Variants in RAPH1 observed in about 807,000 individuals in gnomAD.
RAPH1 encodes the protein ras-associated and pleckstrin homology domains-containing protein 1.
In RAPH1, 18 loss-of-function variants were observed where a neutral mutation model predicts 88.1. That is an observed-to-expected ratio of 0.20 (90% CI 0.14 to 0.30). The LOEUF is 0.30. Ranked by LOEUF, RAPH1 falls within the 10% of genes least tolerant of loss-of-function variation. RAPH1 has a pLI of 1.00. For synonymous variants in RAPH1, 587 were observed against 559.0 expected (o/e 1.05, Z -0.71); for missense variants, 1,448 against 1,543.2 (o/e 0.94, Z 1.03).
intron 4 of RAPH1, among the ~76,000 whole-genome samples, chr2:203,481,594 T>TATATAC (rs1168528105): frequency 7.6e-6 from 1 of 131,916 alleles, no homozygotes; most frequent in East Asian, 2.1e-4. Context: ...TATATATATA[T>TATATAC]ACACATTTTT....
intron 1 of RAPH1, among the ~76,000 whole-genome samples, chr2:203,506,900 T>TATATA (rs1559495239): frequency 6.5e-5 from 6 of 91,604 alleles, no homozygotes; most frequent in South Asian, 3.1e-4. Context: ...ATATATATAT[T>TATATA]TTTTTTTTTT....
intron 1 of RAPH1, among the ~76,000 whole-genome samples, chr2:203,533,180 C>T (rs1397183932): frequency 3.3e-5 from 5 of 152,188 alleles, no homozygotes; most frequent in Non-Finnish European, 7.3e-5. Context: ...CAGTCACATA[C>T]TCTATAATCT....
At chr2:203,521,387 ATT>A (rs1338083471) in intron 1 of RAPH1, among the ~76,000 whole-genome samples, 1 of 152,158 alleles carries the variant, frequency 6.6e-6, no homozygotes. Flanking sequence ...ATAAATATAT[ATT>A]GTTTATATAA....
At chr2:203,526,869 T>TCC (rs1431189642) in intron 1 of RAPH1, among the ~76,000 whole-genome samples, 1 of 151,180 alleles carries the variant, frequency 6.6e-6, no homozygotes, top group East Asian at 2.0e-4. Flanking sequence ...CTGCAACCTC[T>TCC]CCCTCCCAGG....
In RAPH1 at chr2:203,474,403, C is replaced by T. The variant is rs1172589655; in HGVS notation, c.733-12478G>A. ...TGTTAAATGTCCTTACACGGAGAGTCGCAGAGATGGGAAATCTTGCTTATA... is the reference window on the plus strand; with the variant it reads ...TGTTAAATGTCCTTACACGGAGAGTTGCAGAGATGGGAAATCTTGCTTATA... On this transcript the variant is annotated intron_variant, in intron 4 of 13. Coordinates refer to ENST00000319170, the MANE Select transcript of RAPH1 (RefSeq NM_213589.3). Among the ~76,000 whole-genome samples, 3 of 152,226 alleles carry T rather than the reference C, an allele frequency of 2.0e-5. No homozygotes were observed. The East Asian group carries it at 5.8e-4, about 29-fold the overall frequency.
At chr2:203,511,557 A>C (rs1295577881) in intron 1 of RAPH1, among the ~76,000 whole-genome samples, 3 of 152,188 alleles carry the variant, frequency 2.0e-5, no homozygotes, top group Non-Finnish European at 4.4e-5. Context: ...CCCAACTCAA[A>C]CTAGTTTTAA....
rs185436372 is a variant in RAPH1, at chr2:203,452,555, G to C, written c.1413+1875C>G. Among the ~76,000 whole-genome samples, 210 of 152,256 alleles carry C rather than the reference G, an allele frequency of 1.4e-3. 1 individual carries two copies. Among genetic ancestry groups the C allele is most frequent in the African/African-American group, 4.0e-3 (166 of 41,554 alleles). On this transcript the variant is annotated intron_variant, in intron 10 of 13. Transcript: ENST00000319170. ...TGCTTTTCTCCTGTTGATCTCTTAT[G>C]TCAATTTAATTTGTGTGCCCAGCTA...
intron 6 of RAPH1, among the ~76,000 whole-genome samples, chr2:203,460,441 TA>T (rs1427564091): frequency 6.6e-6 from 1 of 152,208 alleles, no homozygotes; most frequent in African/African-American, 2.4e-5. Flanking sequence ...TGTTTAATCT[TA>T]AACATATATG....
intron 1 of RAPH1, among the ~76,000 whole-genome samples, chr2:203,503,157 C>CA (rs1329646991): frequency 3.3e-5 from 5 of 152,078 alleles, no homozygotes; most frequent in South Asian, 2.1e-4. Context: ...AACAAACAAA[C>CA]AAACAAACAA....
At chr2:203,514,730 A>G (rs1272406420) in intron 1 of RAPH1, among the ~76,000 whole-genome samples, 1 of 151,730 alleles carries the variant, frequency 6.6e-6, no homozygotes, top group Non-Finnish European at 1.5e-5. Flanking sequence ...AATTTTTTGT[A>G]TTTTTAGTAG....
chr2:203,482,811 C>A (rs946985775), intron 4 of RAPH1, among the ~76,000 whole-genome samples: 1 of 142,658 alleles, frequency 7.0e-6, no homozygotes, highest in African/African-American at 3.0e-5. Context: ...TCAAAAAAAA[C>A]AAAACAAAAC....
intron 12 of RAPH1, chr2:203,445,243 T>C (rs965010503): frequency 2.4e-6 from 1 of 414,838 alleles, no homozygotes; most frequent in African/African-American, 2.0e-5. Context: ...GAGAGACTGA[T>C]AATTATAATA....
intron 1 of RAPH1, among the ~76,000 whole-genome samples, chr2:203,529,438 C>T (rs987981917): frequency 6.6e-6 from 1 of 152,064 alleles, no homozygotes; most frequent in Non-Finnish European, 1.5e-5. Context: ...CTCGGCTCAC[C>T]GCAACCTCCA....
At chr2:203,461,443 A>T in intron 5 of RAPH1, 35 bp from the exon 6 acceptor site, 1 of 1,489,698 alleles carries the variant, frequency 6.7e-7, no homozygotes, top group East Asian at 2.5e-5. Context: ...AATGAACACT[A>T]AAAAATGGCA....
intron 1 of RAPH1, among the ~76,000 whole-genome samples, chr2:203,532,196 T>C (rs74528898): frequency 1.1e-3 from 163 of 152,264 alleles, no homozygotes; most frequent in Non-Finnish European, 2.0e-3. Context: ...AGTGGATAGT[T>C]ACTGTTTTGT....
chr2:203,479,242 CT>C (rs1687610359), intron 4 of RAPH1, among the ~76,000 whole-genome samples: 1 of 152,116 alleles, frequency 6.6e-6, no homozygotes, highest in Non-Finnish European at 1.5e-5. Flanking sequence ...AAAATCTATT[CT>C]TTCTGGACTC....
At chr2:203,486,018 A>G (rs1451298167) in intron 4 of RAPH1, among the ~76,000 whole-genome samples, 2 of 151,836 alleles carry the variant, frequency 1.3e-5, no homozygotes, top group African/African-American at 4.8e-5. Context: ...CAGCCAGCAT[A>G]GAAGACTGGA....
intron 4 of RAPH1, among the ~76,000 whole-genome samples, chr2:203,487,694 G>T (rs1688036147): frequency 6.6e-6 from 1 of 152,000 alleles, no homozygotes; most frequent in Admixed American, 6.6e-5. Context: ...CTAGAAATCA[G>T]TTTTCAAGTT....
At chr2:203,459,765 G>GTAGA in intron 7 of RAPH1, 142 bp downstream of exon 7, 1 of 806,312 alleles carries the variant, frequency 1.2e-6, no homozygotes. Context: ...AGCAGCAGTA[G>GTAGA]TAGATGATGC....
Sources: gnomAD v4.1 joint callset for allele counts (sites outside exome capture counted in the v4.1 genomes callset) on GRCh38, gnomAD v4.1.1 for gene constraint, MANE v1.5 for transcripts, NCBI Gene and HGNC (gene_info 2026-07-23, HGNC 2026-07-21) for gene names.